The following PTPRT variants were observed in gnomAD, a reference collection of about 807,000 sequenced individuals.
PTPRT encodes receptor-type tyrosine-protein phosphatase T.
A neutral mutation model predicts 176.8 loss-of-function variants in PTPRT; 56 were observed. That is an observed-to-expected ratio of 0.32 (90% confidence interval 0.26 to 0.40). The LOEUF (loss-of-function observed/expected upper bound fraction) is 0.40, where lower values mean the gene tolerates loss of function less well. Ranked by LOEUF, PTPRT falls within the 10% of genes least tolerant of loss-of-function variation. The pLI is 1.00. For synonymous variants in PTPRT, 783 were observed against 739.0 expected (o/e 1.06, Z -0.96); for missense variants, 1,540 against 1,908.2 (o/e 0.81, Z 3.60).
chr20:42,420,468 G>A (rs957235938), intron 9 of PTPRT, among the ~76,000 whole-genome samples: 15 of 151,772 alleles, frequency 9.9e-5, no homozygotes, highest in Admixed American at 3.3e-4. Context: ...GAGAGAGAGA[G>A]AAAAAACAAA....
chr20:42,812,272 G>A (rs2077709192), intron 2 of PTPRT, among the ~76,000 whole-genome samples: 1 of 151,990 alleles, frequency 6.6e-6, no homozygotes, highest in Admixed American at 6.6e-5. Flanking sequence ...TATTTTAAGT[G>A]TACAATTCGG....
At chr20:42,638,120 T>C (rs1349354949) in intron 7 of PTPRT, among the ~76,000 whole-genome samples, 1 of 152,166 alleles carries the variant, frequency 6.6e-6, no homozygotes, top group Non-Finnish European at 1.5e-5. Flanking sequence ...GGCTTATTTT[T>C]ATCAGCACAC....
chr20:42,182,209 T>C (rs1347053956), intron 16 of PTPRT, among the ~76,000 whole-genome samples: 1 of 152,182 alleles, frequency 6.6e-6, no homozygotes, highest in African/African-American at 2.4e-5. Context: ...GAGGTTAATT[T>C]TTACTTCATC....
In PTPRT at chr20:42,401,318, G is replaced by T. The variant is rs553699067; in HGVS notation, c.1560+46902C>A. Among the ~76,000 whole-genome samples the T allele has an allele frequency of 4.3e-3, 650 of 152,130 alleles. 3 individuals carry two copies. The highest frequency in any genetic ancestry group is 0.016 in the South Asian group (79 of 4,826). On this transcript the variant is annotated intron_variant, in intron 9 of 30. Transcript: ENST00000373187. ...CCTGACAAGATAATATGCAAGGAAA[G>T]TTCTGCCAACTCAAGACAATGTTTA...
At chr20:42,399,305 T>A (rs2058882453) in intron 9 of PTPRT, among the ~76,000 whole-genome samples, 1 of 152,238 alleles carries the variant, frequency 6.6e-6, no homozygotes. Flanking sequence ...TAACAGATTA[T>A]CTATCACAAA....
intron 9 of PTPRT, among the ~76,000 whole-genome samples, chr20:42,446,364 A>T (rs1322422805): frequency 6.6e-6 from 1 of 152,168 alleles, no homozygotes; most frequent in Non-Finnish European, 1.5e-5. Context: ...GTCTTTTATA[A>T]AACGATGTAA....
At chr20:42,731,378 C>T (rs1295068336) in intron 6 of PTPRT, among the ~76,000 whole-genome samples, 3 of 152,150 alleles carry the variant, frequency 2.0e-5, no homozygotes, top group Admixed American at 6.5e-5. Context: ...TCTTAATTAC[C>T]GAGCAGGCAA....
chr20:42,728,961 C>T (rs561381785), intron 6 of PTPRT, among the ~76,000 whole-genome samples: 1 of 152,040 alleles, frequency 6.6e-6, no homozygotes, highest in East Asian at 1.9e-4. Context: ...GGAAAATAAC[C>T]ACATTCTTAG....
intron 9 of PTPRT, among the ~76,000 whole-genome samples, chr20:42,365,425 G>T (rs1449699313): frequency 6.6e-6 from 1 of 152,052 alleles, no homozygotes; most frequent in Non-Finnish European, 1.5e-5. Flanking sequence ...GGCTGTATGT[G>T]GGCTTTATGC....
chr20:43,188,753 G>GT lies in PTPRT; in HGVS notation c.88+892_88+893insA, dbSNP rs981081027. ...TCTTCCCTCCGCCGCTACTCTTGGG[G>GT]GGGGGGGGGCTCGGGGGTGGAAGCT... On this transcript the variant is annotated intron_variant, in intron 1 of 30. Coordinates refer to ENST00000373187, the MANE Select transcript of PTPRT (RefSeq NM_007050.6). Among the ~76,000 whole-genome samples, 11 of 150,604 alleles carry GT rather than the reference G, an allele frequency of 7.3e-5. 1 individual carries two copies. The highest frequency in any genetic ancestry group is 1.2e-4 in the Non-Finnish European group (8 of 67,462).
intron 13 of PTPRT, among the ~76,000 whole-genome samples, chr20:42,274,716 C>G (rs761921500): frequency 6.6e-6 from 1 of 152,052 alleles, no homozygotes. Flanking sequence ...GGCCCTGGAG[C>G]AGACAACCCT....
At chr20:42,604,699 A>C (rs1382104296) in intron 7 of PTPRT, among the ~76,000 whole-genome samples, 1 of 152,178 alleles carries the variant, frequency 6.6e-6, no homozygotes, top group African/African-American at 2.4e-5. Flanking sequence ...CATTGGAATC[A>C]ATAAGCCTTC....
chr20:42,126,210 T>C (rs1260289077), intron 19 of PTPRT, among the ~76,000 whole-genome samples: 4 of 152,130 alleles, frequency 2.6e-5, no homozygotes, highest in African/African-American at 4.8e-5. Context: ...TTAAGAAGTT[T>C]TGATAAGCTG....
At chr20:42,658,950 G>A (rs904878469) in intron 7 of PTPRT, among the ~76,000 whole-genome samples, 7 of 152,142 alleles carry the variant, frequency 4.6e-5, no homozygotes, top group African/African-American at 1.7e-4. Flanking sequence ...AGATATATCT[G>A]TCTGTATTAA....
Position 42,370,358 on chromosome 20 carries a change from G to A in PTPRT, c.1561-18073C>T, listed in dbSNP as rs551812565. On this transcript the variant is annotated intron_variant, in intron 9 of 30. Transcript: ENST00000373187. ...GCCAGGTGTCAAGCCTTCCCCTTGAGCTACACAAACTCTCAGGTATACCAT... is the reference window on the plus strand; with the variant it reads ...GCCAGGTGTCAAGCCTTCCCCTTGAACTACACAAACTCTCAGGTATACCAT... Among the ~76,000 whole-genome samples, 10 of 152,264 alleles carry A rather than the reference G, an allele frequency of 6.6e-5. No homozygotes were observed. In the South Asian group the frequency reaches 1.7e-3, roughly 25 times the overall value.
intron 7 of PTPRT, among the ~76,000 whole-genome samples, chr20:42,503,196 A>G (rs1189999079): frequency 6.6e-6 from 1 of 151,896 alleles, no homozygotes; most frequent in African/African-American, 2.4e-5. Context: ...ATTCTCTAAT[A>G]TTAGTTATAT....
rs376520436 is a variant in PTPRT at position 42,611,226 on chromosome 20, T to G, written c.1153+66640A>C. Among the ~76,000 whole-genome samples, 226 of 152,312 alleles carry G rather than the reference T, an allele frequency of 1.5e-3. 2 individuals are homozygous for G. The highest frequency in any genetic ancestry group is 5.3e-3 in the African/African-American group (220 of 41,562). Reference sequence around the variant, plus strand: ...TGAGCATGGAACTGTACATTTAACTTCTTGAGGAACTCCCAAACTGCTTTT... The same window carrying G: ...TGAGCATGGAACTGTACATTTAACTGCTTGAGGAACTCCCAAACTGCTTTT... On this transcript the variant is annotated intron_variant, in intron 7 of 30. Coordinates refer to ENST00000373187, the MANE Select transcript of PTPRT (RefSeq NM_007050.6).
chr20:42,134,515 C>T (rs968853905), intron 18 of PTPRT, among the ~76,000 whole-genome samples: 1 of 152,026 alleles, frequency 6.6e-6, no homozygotes, highest in Non-Finnish European at 1.5e-5. Flanking sequence ...AGACATGGTA[C>T]CAAGACACAT....
intron 16 of PTPRT, among the ~76,000 whole-genome samples, chr20:42,171,582 G>T (rs984049217): frequency 6.6e-6 from 1 of 151,948 alleles, no homozygotes; most frequent in Non-Finnish European, 1.5e-5. Context: ...TACTGTACAG[G>T]GTACTGTAGA....
Sources: allele counts gnomAD v4.1 joint callset (sites outside exome capture counted in the v4.1 genomes callset), GRCh38; gene constraint gnomAD v4.1.1; transcripts MANE v1.5; gene names NCBI Gene and HGNC (gene_info 2026-07-23, HGNC 2026-07-21).